SGCD: variants seen among roughly 807,000 people sequenced by gnomAD.
SGCD encodes the protein sarcoglycan delta.
SGCD carries 18 observed loss-of-function variants against 36.6 expected under a neutral mutation model. That is an observed-to-expected ratio of 0.49 (90% CI 0.34 to 0.73). SGCD has a LOEUF of 0.73. Among genes scored for constraint, SGCD ranks in the 30% least tolerant of loss-of-function variants. SGCD has a pLI of 0.01. For missense variants in SGCD, 387 were observed against 346.7 expected (o/e 1.12, Z -0.92); for synonymous variants, 133 against 130.6 (o/e 1.02, Z -0.12).
intron 1 of SGCD, among the ~76,000 whole-genome samples, chr5:156,029,034 T>G (rs1413361297): frequency 8.3e-6 from 1 of 119,856 alleles, no homozygotes; most frequent in Non-Finnish European, 1.8e-5. Flanking sequence ...GCTTTTATGT[T>G]TTTTTTTAGA....
intron 1 of SGCD, among the ~76,000 whole-genome samples, chr5:155,973,803 G>A (rs1310127199): frequency 6.6e-6 from 1 of 152,138 alleles, no homozygotes; most frequent in African/African-American, 2.4e-5. Context: ...AAAATGGGGA[G>A]AGTGCTTGCA....
intron 1 of SGCD, among the ~76,000 whole-genome samples, chr5:156,101,195 T>C (rs1761508197): frequency 6.6e-6 from 1 of 152,202 alleles, no homozygotes; most frequent in Admixed American, 6.5e-5. Flanking sequence ...TCACCCAATC[T>C]ATGGTATTCT....
intron 7 of SGCD, among the ~76,000 whole-genome samples, chr5:156,736,489 T>C (rs1326692546): frequency 6.6e-6 from 1 of 152,144 alleles, no homozygotes. Context: ...GAGATTTCCA[T>C]AAAAAACACT....
intron 3 of SGCD, among the ~76,000 whole-genome samples, chr5:156,468,865 GC>G (rs1168890480): frequency 6.6e-6 from 1 of 152,114 alleles, no homozygotes; most frequent in African/African-American, 2.4e-5. Flanking sequence ...GATGGCACAT[GC>G]CCGTAATCCC....
chr5:155,912,406 CT>C (rs1369446171), intron 1 of SGCD, among the ~76,000 whole-genome samples: 2 of 152,212 alleles, frequency 1.3e-5, no homozygotes, highest in East Asian at 3.9e-4. Flanking sequence ...GAGAAAATGC[CT>C]TCAACATTTT....
chr5:155,891,889 A>G (rs1446790320), intron 1 of SGCD, among the ~76,000 whole-genome samples: 1 of 152,164 alleles, frequency 6.6e-6, no homozygotes, highest in African/African-American at 2.4e-5. Context: ...GCATTAGGAC[A>G]TACATCTTCT....
At chr5:156,284,476 G>A (rs1463738305) in intron 3 of SGCD, among the ~76,000 whole-genome samples, 2 of 152,038 alleles carry the variant, frequency 1.3e-5, no homozygotes, top group African/African-American at 4.8e-5. Context: ...TATCCAACAT[G>A]ACCAAGTGGG....
At chr5:156,401,633 A>T (rs534395152) in intron 3 of SGCD, among the ~76,000 whole-genome samples, 1 of 152,192 alleles carries the variant, frequency 6.6e-6, no homozygotes, top group African/African-American at 2.4e-5. Context: ...AGAACTCACT[A>T]TGTGCCAGGC....
chr5:156,123,537 G>A (rs1049576566), intron 2 of SGCD, among the ~76,000 whole-genome samples: 2 of 152,134 alleles, frequency 1.3e-5, no homozygotes, highest in African/African-American at 2.4e-5. Flanking sequence ...GGATTGAACT[G>A]TGCCACAGAC....
intron 1 of SGCD, among the ~76,000 whole-genome samples, chr5:155,928,578 G>C (rs572933004): frequency 8.3e-4 from 121 of 145,394 alleles, no homozygotes; most frequent in Non-Finnish European, 1.5e-3. Flanking sequence ...TGAGGCAGGA[G>C]AATGGCTTGA....
the SGCD span, among the ~76,000 whole-genome samples, chr5:155,733,014 G>T: frequency 7.1e-6 from 1 of 141,566 alleles, no homozygotes; most frequent in African/African-American, 2.7e-5. Context: ...TGTTATACTC[G>T]TTTTTTTTTT....
chr5:156,622,904 G>T (rs1242993579), intron 6 of SGCD, among the ~76,000 whole-genome samples: 3 of 152,118 alleles, frequency 2.0e-5, no homozygotes, highest in African/African-American at 7.2e-5. Context: ...AGCTTCAGGG[G>T]AGAATGACGG....
intron 3 of SGCD, among the ~76,000 whole-genome samples, chr5:156,465,183 C>T (rs1397414012): frequency 6.6e-6 from 1 of 152,090 alleles, no homozygotes; most frequent in Non-Finnish European, 1.5e-5. Flanking sequence ...TCCAGGAAAC[C>T]TCCTACCTAC....
the SGCD span, among the ~76,000 whole-genome samples, chr5:155,781,559 A>G: frequency 6.6e-6 from 1 of 152,116 alleles, no homozygotes; most frequent in Non-Finnish European, 1.5e-5. Flanking sequence ...CCTCCTGAGT[A>G]CCAGCGATCC....
intron 3 of SGCD, among the ~76,000 whole-genome samples, chr5:156,211,727 T>G (rs1048393068): frequency 6.6e-6 from 1 of 151,764 alleles, no homozygotes; most frequent in Non-Finnish European, 1.5e-5. Context: ...TCTAATAATA[T>G]AAGGAATGAT....
At chr5:156,438,411 G>C (rs1311122099) in intron 3 of SGCD, among the ~76,000 whole-genome samples, 2 of 152,128 alleles carry the variant, frequency 1.3e-5, no homozygotes, top group African/African-American at 2.4e-5. Flanking sequence ...AGGGAGGGAA[G>C]CCAATGGGAA....
At chr5:156,640,232 A>G (rs1037319851) in intron 6 of SGCD, among the ~76,000 whole-genome samples, 4 of 151,938 alleles carry the variant, frequency 2.6e-5, no homozygotes, top group Non-Finnish European at 5.9e-5. Context: ...GATATACTAG[A>G]TATCCGTTTA....
chr5:156,097,330 G>C (rs138533735), intron 1 of SGCD, among the ~76,000 whole-genome samples: 2 of 151,950 alleles, frequency 1.3e-5, no homozygotes, highest in Non-Finnish European at 2.9e-5. Flanking sequence ...GGAGTTCAAC[G>C]ATACAAAATT....
chr5:156,173,768 T>A (rs1003538227), intron 3 of SGCD, among the ~76,000 whole-genome samples: 1 of 152,174 alleles, frequency 6.6e-6, no homozygotes, highest in Admixed American at 6.5e-5. Context: ...AATGAAGTAA[T>A]AACTTCTTGT....
Sources: gnomAD v4.1 joint callset for allele counts (sites outside exome capture counted in the v4.1 genomes callset) on GRCh38, gnomAD v4.1.1 for gene constraint, MANE v1.5 for transcripts, NCBI Gene and HGNC (gene_info 2026-07-23, HGNC 2026-07-21) for gene names.